Variants in PLEKHH2 observed in about 807,000 individuals in gnomAD.
The protein encoded by PLEKHH2 is pleckstrin homology, MyTH4 and FERM domain containing H2.
In PLEKHH2, 129 loss-of-function variants were observed where a neutral mutation model predicts 187.9. The observed-to-expected ratio is 0.69, with a 90% CI of 0.59 to 0.79. The LOEUF (loss-of-function observed/expected upper bound fraction) is 0.79, where lower values mean the gene tolerates loss of function less well. PLEKHH2 is among the 30% of genes least tolerant of loss of function. PLEKHH2 has a pLI of 0.00. For synonymous variants in PLEKHH2, 686 were observed against 605.6 expected, an observed-to-expected ratio of 1.13 and a Z score of -1.95; for missense variants, 2,076 against 1,751.2, an observed-to-expected ratio of 1.19 and a Z score of -3.31.
At chr2:43,741,154 A>C (rs1383654535) in intron 21 of PLEKHH2, 111 bp downstream of exon 21, 2 of 932,086 alleles carry the variant, frequency 2.1e-6, no homozygotes, top group Admixed American at 5.8e-5. Flanking sequence ...TGTATGAAAC[A>C]AATATTGGTA....
chr2:43,742,023 C>T (rs1314216916), intron 21 of PLEKHH2, among the ~76,000 whole-genome samples: 4 of 150,496 alleles, frequency 2.7e-5, no homozygotes, highest in African/African-American at 7.3e-5. Flanking sequence ...TTTTTTGAGG[C>T]AGGGTCTCAC....
At position 43,742,864 on chromosome 2, in the gene PLEKHH2, T is replaced by C. The variant is rs1335188274; in HGVS notation, c.3345T>C (p.Tyr1115=). 2 of 1,608,110 alleles carry C rather than the reference T, an allele frequency of 1.2e-6. No individual in the cohort carries two copies. Among genetic ancestry groups the C allele is most frequent in the African/African-American group, 1.3e-5 (1 of 74,592 alleles). Residue 1115 remains tyrosine (Y), a synonymous_variant, in exon 22 of 30, where the codon TAT becomes TAC. Transcript: ENST00000282406. Reference sequence around the variant, plus strand: ...TTTCAACTCTTCTCCGAAACCCTTATCACCATTCTTTGCCCTTTAGTATAC... The same window carrying C: ...TTTCAACTCTTCTCCGAAACCCTTACCACCATTCTTTGCCCTTTAGTATAC... The part of the protein sequence containing the change: ...EILSTLLRNP[Y]HHSLPFSIPV...
chr2:43,644,254 AT>A (rs1666083074), intron 1 of PLEKHH2, among the ~76,000 whole-genome samples: 2 of 152,166 alleles, frequency 1.3e-5, no homozygotes, highest in Admixed American at 1.3e-4. Context: ...AAACAATCTT[AT>A]CTGTTGGGCA....
At chr2:43,656,581 C>T (rs1007117750) in intron 2 of PLEKHH2, among the ~76,000 whole-genome samples, 3 of 152,234 alleles carry the variant, frequency 2.0e-5, no homozygotes, top group African/African-American at 7.2e-5. Context: ...AACAGGCTAA[C>T]CTTGGGGTTT....
intron 2 of PLEKHH2, among the ~76,000 whole-genome samples, chr2:43,672,015 G>T (rs1245928984): frequency 6.6e-6 from 1 of 152,086 alleles, no homozygotes; most frequent in African/African-American, 2.4e-5. Context: ...TACATTTTTG[G>T]GTAGAATTCA....
At position 43,700,057 on chromosome 2, in the gene PLEKHH2, C is replaced by T. The variant is rs1204485486; in HGVS notation, c.1099C>T (p.Leu367Phe). ...EAQWKALNSP[L>F]GKGNSELSKK... is the part of the protein sequence containing the mutation. ...ACAGTGGAAAGCTCTAAATAGTCCTCTTGGAAAGGGAAATTCTGAATTAAG... is the reference window on the plus strand; with the variant it reads ...ACAGTGGAAAGCTCTAAATAGTCCTTTTGGAAAGGGAAATTCTGAATTAAG... The change falls in exon 8 of 30, where the codon CTT becomes TTT. Residue 367 changes from leucine (L) to phenylalanine (F), a missense_variant. Coordinates refer to ENST00000282406, the MANE Select transcript of PLEKHH2 (RefSeq NM_172069.4). 1.9e-6 allele frequency: 3 copies of T among 1,614,022 alleles called. No homozygotes were observed. In the African/African-American group the frequency reaches 4.0e-5, roughly 22 times the overall value.
At chr2:43,745,507 A>G (rs1021777540) in intron 23 of PLEKHH2, among the ~76,000 whole-genome samples, 1 of 152,194 alleles carries the variant, frequency 6.6e-6, no homozygotes, top group East Asian at 1.9e-4. Flanking sequence ...AACTTTAGTT[A>G]TTAAAATCTT....
In PLEKHH2 at chr2:43,712,391, C is replaced by G; in HGVS notation, c.2460+8C>G. Reference sequence around the variant, plus strand: ...AAGGGATTGCTCACTAAGGTAGGAACCTCCTGTGCATAGCAATGTCCCAGG... The same window carrying G: ...AAGGGATTGCTCACTAAGGTAGGAAGCTCCTGTGCATAGCAATGTCCCAGG... On this transcript the variant is annotated splice_region_variant and intron_variant, in intron 15 of 29. Coordinates refer to ENST00000282406, the MANE Select transcript of PLEKHH2 (RefSeq NM_172069.4). 2.5e-6 allele frequency: 4 copies of G among 1,613,324 alleles called. No individual in the cohort carries two copies. Among genetic ancestry groups the G allele is most frequent in the Non-Finnish European group, 3.4e-6 (4 of 1,179,684 alleles).
intron 2 of PLEKHH2, among the ~76,000 whole-genome samples, chr2:43,654,990 C>G (rs1031756576): frequency 3.3e-5 from 5 of 151,746 alleles, no homozygotes; most frequent in African/African-American, 1.2e-4. Context: ...GAGATCATGC[C>G]ACTGCACTCC....
intron 6 of PLEKHH2, among the ~76,000 whole-genome samples, chr2:43,695,837 A>G (rs1238940650): frequency 6.6e-6 from 1 of 152,220 alleles, no homozygotes; most frequent in African/African-American, 2.4e-5. Flanking sequence ...CACAGATACC[A>G]TACATTTGTA....
chr2:43,762,492 C>T, intron 28 of PLEKHH2, 102 bp downstream of exon 28: 1 of 870,946 alleles, frequency 1.1e-6, no homozygotes, highest in Middle Eastern at 2.2e-4. Context: ...TTTCTCTTAC[C>T]CAGGAAACAT....
At chr2:43,656,260 C>G (rs1014906004) in intron 2 of PLEKHH2, among the ~76,000 whole-genome samples, 1 of 152,006 alleles carries the variant, frequency 6.6e-6, no homozygotes, top group Non-Finnish European at 1.5e-5. Flanking sequence ...CCCAGCCTAT[C>G]TTAACAATTT....
chr2:43,743,663 G>A (rs939174798), intron 22 of PLEKHH2, among the ~76,000 whole-genome samples, 171 bp from the exon 23 acceptor site: 9 of 152,148 alleles, frequency 5.9e-5, no homozygotes, highest in Non-Finnish European at 1.3e-4. Context: ...GCTAATTTAT[G>A]AGGTAACTTT....
intron 2 of PLEKHH2, among the ~76,000 whole-genome samples, chr2:43,646,635 A>G (rs190575364): frequency 4.6e-5 from 7 of 152,312 alleles, no homozygotes; most frequent in Admixed American, 3.9e-4. Flanking sequence ...ATGAGTGCCC[A>G]TTTTAAAAAT....
intron 15 of PLEKHH2, 119 bp downstream of exon 15, chr2:43,712,502 G>A (rs986587044): frequency 4.1e-6 from 5 of 1,205,684 alleles, no homozygotes; most frequent in South Asian, 1.7e-5. Flanking sequence ...CTTGGGGATA[G>A]GAAAGGGTGT....
intron 3 of PLEKHH2, among the ~76,000 whole-genome samples, chr2:43,683,772 C>G (rs1464094488): frequency 6.8e-6 from 1 of 146,662 alleles, no homozygotes; most frequent in African/African-American, 2.5e-5. Context: ...GTCTAGTTAT[C>G]TCTCTCTCTC....
intron 2 of PLEKHH2, chr2:43,675,759 G>C: frequency 6.2e-7 from 1 of 1,613,708 alleles, no homozygotes; most frequent in Non-Finnish European, 8.5e-7. Flanking sequence ...TCAACTCTCT[G>C]CTTAAGACAA....
intron 3 of PLEKHH2, chr2:43,681,169 C>A: frequency 1.4e-6 from 1 of 703,446 alleles, no homozygotes; most frequent in Non-Finnish European, 2.5e-6. Context: ...TCAGAACATC[C>A]TTTTGGTCCA....
intron 28 of PLEKHH2, among the ~76,000 whole-genome samples, chr2:43,763,645 C>G (rs900283378): frequency 6.7e-6 from 1 of 149,802 alleles, no homozygotes; most frequent in African/African-American, 2.5e-5. Flanking sequence ...AGGCTAGGCT[C>G]AAGTGATCCT....
Sources: gnomAD v4.1 joint callset for allele counts (sites outside exome capture counted in the v4.1 genomes callset) on GRCh38, gnomAD v4.1.1 for gene constraint, MANE v1.5 for transcripts, NCBI Gene and HGNC (gene_info 2026-07-23, HGNC 2026-07-21) for gene names.